PACRG: variants seen among roughly 807,000 people sequenced by gnomAD.
PACRG encodes the protein parkin coregulated, also known as parkin coregulated gene protein.
PACRG carries 29 observed loss-of-function variants against 29.7 expected under a neutral mutation model. The ratio of observed to expected loss-of-function variants is 0.98; its 90% confidence interval spans 0.73 to 1.33. The LOEUF is 1.33. Ranked by LOEUF, PACRG falls within the 40% of genes most tolerant of loss-of-function variation. The probability of loss-of-function intolerance (pLI) is 0.00; values close to 1 mark genes in which losing one functional copy is unlikely to be tolerated. For missense variants in PACRG, 279 were observed against 316.2 expected (o/e 0.88, Z 0.89); for synonymous variants, 116 against 118.7 (o/e 0.98, Z 0.15).
At chr6:162,769,738 G>A (rs1282180456) in intron 1 of PACRG, among the ~76,000 whole-genome samples, 1 of 148,636 alleles carries the variant, frequency 6.7e-6, no homozygotes, top group African/African-American at 2.5e-5. Flanking sequence ...ATGAACTCAA[G>A]CATTATCCTA....
At chr6:163,194,362 C>T (rs1780352755) in intron 4 of PACRG, among the ~76,000 whole-genome samples, 1 of 152,116 alleles carries the variant, frequency 6.6e-6, no homozygotes, top group South Asian at 2.1e-4. Flanking sequence ...CCCTCTCTCC[C>T]TCCCTCCCTG....
At chr6:163,314,122 G>A (rs925668979) in intron 4 of PACRG, among the ~76,000 whole-genome samples, 5 of 152,068 alleles carry the variant, frequency 3.3e-5, no homozygotes, top group Admixed American at 1.3e-4. Flanking sequence ...CAGCTGAAGC[G>A]GTCACTTCCA....
chr6:162,740,090 T>C (rs2128259210), intron 1 of PACRG, among the ~76,000 whole-genome samples: 1 of 152,278 alleles, frequency 6.6e-6, no homozygotes, highest in East Asian at 1.9e-4. Flanking sequence ...ATTAGTCTCT[T>C]TGTCTGTCTC....
intron 1 of PACRG, among the ~76,000 whole-genome samples, chr6:162,791,311 G>T (rs59830421): frequency 0.3 from 38,338 of 127,498 alleles, 6,682 homozygotes; most frequent in Admixed American, 0.41. Flanking sequence ...TTGTTTGTTT[G>T]TTTTTTTTTT....
chr6:163,263,664 A>G (rs190333987), intron 4 of PACRG, among the ~76,000 whole-genome samples: 231 of 152,322 alleles, frequency 1.5e-3, no homozygotes, highest in African/African-American at 5.4e-3. Flanking sequence ...TTTCATTGAA[A>G]CAGTTTATGA....
intron 4 of PACRG, among the ~76,000 whole-genome samples, chr6:163,239,796 A>G (rs1782398759): frequency 7.0e-6 from 1 of 142,024 alleles, no homozygotes; most frequent in Non-Finnish European, 1.5e-5. Context: ...ACACACTCAC[A>G]CATTCACACT....
At chr6:162,739,015 C>T (rs552897010) in intron 1 of PACRG, among the ~76,000 whole-genome samples, 1 of 152,116 alleles carries the variant, frequency 6.6e-6, no homozygotes, top group Non-Finnish European at 1.5e-5. Flanking sequence ...GGCCAAAGTT[C>T]ACCAGATTTG....
rs1007305208 is a variant in PACRG, at chr6:163,252,031, C to A, written c.614-62796C>A. Reference sequence around the variant, plus strand: ...TCTAAGCCACAGCTAAGCACGGTGTCTCTGCACAGTAAATCCTCCCGAGCT... The same window carrying A: ...TCTAAGCCACAGCTAAGCACGGTGTATCTGCACAGTAAATCCTCCCGAGCT... On this transcript the variant is annotated intron_variant, in intron 4 of 4. Coordinates refer to ENST00000366888, the MANE Select transcript of PACRG (RefSeq NM_001080379.2). Among the ~76,000 whole-genome samples the A allele has an allele frequency of 2.0e-5, 3 of 152,224 alleles. No homozygotes were observed. In the East Asian group the frequency reaches 5.8e-4, roughly 29 times the overall value.
chr6:163,153,562 T>A (rs1489164063), intron 4 of PACRG, among the ~76,000 whole-genome samples: 1 of 152,198 alleles, frequency 6.6e-6, no homozygotes, highest in Non-Finnish European at 1.5e-5. Context: ...AAAAGGGGAT[T>A]TTTTTTACAT....
At chr6:163,113,817 G>T (rs974046344) in intron 4 of PACRG, among the ~76,000 whole-genome samples, 6 of 152,084 alleles carry the variant, frequency 3.9e-5, no homozygotes, top group Non-Finnish European at 8.8e-5. Context: ...AGAAATAAAG[G>T]TCTCGGTAAA....
chr6:162,745,915 G>GA (rs1434448010), intron 1 of PACRG, among the ~76,000 whole-genome samples: 2 of 151,788 alleles, frequency 1.3e-5, no homozygotes, highest in Non-Finnish European at 2.9e-5. Flanking sequence ...GTCATTTTGG[G>GA]AAAAAAGTGT....
chr6:162,958,654 A>G (rs1284971354), intron 2 of PACRG, among the ~76,000 whole-genome samples: 1 of 151,690 alleles, frequency 6.6e-6, no homozygotes, highest in East Asian at 1.9e-4. Context: ...TAAAGCAGCA[A>G]TCAAAACACT....
chr6:162,808,922 C>T (rs1294200561), intron 1 of PACRG, among the ~76,000 whole-genome samples: 4 of 146,690 alleles, frequency 2.7e-5, no homozygotes, highest in Admixed American at 2.7e-4. Context: ...AGTCGTTTTG[C>T]TTGTTTTAAA....
intron 1 of PACRG, among the ~76,000 whole-genome samples, chr6:162,744,240 T>C (rs73601925): frequency 0.058 from 8,892 of 152,266 alleles, 836 homozygotes; most frequent in African/African-American, 0.2. Flanking sequence ...TCTGTAGTTA[T>C]TCTGGATCAT....
chr6:162,826,971 T>C lies in PACRG; in HGVS notation c.291+12690T>C, dbSNP rs532637700. 5.3e-5 allele frequency among the ~76,000 whole-genome samples: 8 copies of C among 152,170 alleles called. No homozygotes were observed. The South Asian group carries it at 1.4e-3, about 28-fold the overall frequency. ...TCAATACTTTTTAAAAATCAACAAA[T>C]TATAGCATTGGATTGGAGGTAATTT... On this transcript the variant is annotated intron_variant, in intron 2 of 4. Transcript: ENST00000366888.
At position 162,911,202 on chromosome 6, in the gene PACRG, A is replaced by G. The variant is rs989794583; in HGVS notation, c.291+96921A>G. 1.1e-3 allele frequency among the ~76,000 whole-genome samples: 165 copies of G among 152,362 alleles called. 1 individual carries two copies. Among genetic ancestry groups the G allele is most frequent in the African/African-American group, 3.8e-3 (159 of 41,596 alleles). ...TTACATTCATTTATTTCTGCTTTGCATGAAGCACAGCTGCATTATAATGTG... is the reference window on the plus strand; with the variant it reads ...TTACATTCATTTATTTCTGCTTTGCGTGAAGCACAGCTGCATTATAATGTG... On this transcript the variant is annotated intron_variant, in intron 2 of 4. Transcript: ENST00000366888.
At chr6:163,202,130 C>T (rs2128150001) in intron 4 of PACRG, among the ~76,000 whole-genome samples, 1 of 152,278 alleles carries the variant, frequency 6.6e-6, no homozygotes, top group African/African-American at 2.4e-5. Context: ...GGAAGCCGTC[C>T]TGTCCCGGCC....
rs1252024604 is a variant in PACRG at position 162,947,614 on chromosome 6, A to T, written c.292-114536A>T. Among the ~76,000 whole-genome samples, 14 of 15,056 alleles carry T rather than the reference A, an allele frequency of 9.3e-4. 2 individuals are homozygous for T. Among genetic ancestry groups the T allele is most frequent in the Non-Finnish European group, 1.6e-3 (12 of 7,374 alleles). 9.9% of individuals were successfully genotyped at this position (15,056 alleles called of 152,430 possible). On this transcript the variant is annotated intron_variant, in intron 2 of 4. Transcript: ENST00000366888. The stretch of plus-strand genomic sequence containing the variant: ...TATAATCATATATATATATAATCAT[A>T]TATATATATATATATATATATATAT...
intron 4 of PACRG, among the ~76,000 whole-genome samples, chr6:163,180,541 C>G (rs1277226521): frequency 6.6e-6 from 1 of 152,050 alleles, no homozygotes; most frequent in South Asian, 2.1e-4. Flanking sequence ...GCAGGAGGAT[C>G]GCTTGAGCCC....
Sources: gnomAD v4.1 joint callset for allele counts (sites outside exome capture counted in the v4.1 genomes callset) on GRCh38, gnomAD v4.1.1 for gene constraint, MANE v1.5 for transcripts, NCBI Gene and HGNC (gene_info 2026-07-23, HGNC 2026-07-21) for gene names.